CDH18: variants seen among roughly 807,000 people sequenced by gnomAD.
The protein encoded by CDH18 is cadherin 18.
CDH18 carries 31 observed loss-of-function variants against 67.9 expected under a neutral mutation model. The observed-to-expected ratio is 0.46, with a 90% CI of 0.34 to 0.62. The LOEUF is 0.62. CDH18 is among the 20% of genes least tolerant of loss of function. The pLI is 0.01. For synonymous variants in CDH18, 362 were observed against 347.2 expected (o/e 1.04, Z -0.48); for missense variants, 890 against 975.5 (o/e 0.91, Z 1.17).
Position 19,471,623 on chromosome 5 carries a change from T to C in CDH18, c.*1603A>G, listed in dbSNP as rs566087989. Reference sequence around the variant, plus strand: ...GTTTTAGAAAATAGGACCATTATGGTATGAATTCTTACTTCAAGGCCAATA... The same window carrying C: ...GTTTTAGAAAATAGGACCATTATGGCATGAATTCTTACTTCAAGGCCAATA... On this transcript the variant is annotated 3_prime_UTR_variant, in exon 13 of 13. Coordinates refer to ENST00000382275, the MANE Select transcript of CDH18 (RefSeq NM_004934.5). 3.3e-5 allele frequency among the ~76,000 whole-genome samples: 5 copies of C among 152,128 alleles called. No homozygotes were observed. The South Asian group carries it at 1.0e-3, about 31-fold the overall frequency.
intron 2 of CDH18, among the ~76,000 whole-genome samples, chr5:20,245,948 A>G (rs1163140673): frequency 6.6e-6 from 1 of 152,100 alleles, no homozygotes; most frequent in Non-Finnish European, 1.5e-5. Flanking sequence ...TGTGATGCTG[A>G]GATGTTGTGA....
chr5:19,893,987 A>G (rs77636757), intron 2 of CDH18, among the ~76,000 whole-genome samples: 4,493 of 152,234 alleles, frequency 0.03, 246 homozygotes, highest in African/African-American at 0.1. Flanking sequence ...ATCACCTTGC[A>G]TACCCGCTAT....
intron 1 of CDH18, among the ~76,000 whole-genome samples, chr5:20,385,889 C>A (rs1744274940): frequency 6.6e-6 from 1 of 152,128 alleles, no homozygotes; most frequent in Non-Finnish European, 1.5e-5. Context: ...TTGTGTTTTA[C>A]TTCTAATGAT....
intron 2 of CDH18, among the ~76,000 whole-genome samples, chr5:20,202,102 T>C (rs577999112): frequency 6.6e-5 from 10 of 152,304 alleles, no homozygotes; most frequent in African/African-American, 2.4e-4. Flanking sequence ...ACTGCATTAA[T>C]CTAATTATAT....
chr5:19,789,247 T>C (rs1404046138), intron 3 of CDH18, among the ~76,000 whole-genome samples: 4 of 152,194 alleles, frequency 2.6e-5, no homozygotes. Flanking sequence ...GCAAGTTACT[T>C]AACCTTACTG....
rs1452094012 is a variant in CDH18, at chr5:19,994,726, TATATATATATATAGAGAGAGAG to T, written c.-517-2734_-517-2713del. On this transcript the variant is annotated intron_variant, in intron 2 of 14. Transcript: ENST00000507958. ...GTATATATATATATATATATATATA[TATATATATATATAGAGAGAGAG>T]AGAGAGAGAGAGAGAGAGAGAGAGA... Among the ~76,000 whole-genome samples, 34 of 23,418 alleles carry T rather than the reference TATATATATATATAGAGAGAGAG, an allele frequency of 1.5e-3. 1 individual carries two copies. Among genetic ancestry groups the T allele is most frequent in the South Asian group, 8.7e-3 (3 of 346 alleles). The allele number at this position is 23,418 out of a possible 152,430, so 15.4% of individuals were successfully genotyped here. A position where few individuals can be genotyped will look rare whatever the true frequency, so the allele number is the denominator to read the frequency against.
chr5:19,882,946 G>A (rs1787810485), intron 2 of CDH18, among the ~76,000 whole-genome samples: 1 of 152,074 alleles, frequency 6.6e-6, no homozygotes, highest in Admixed American at 6.6e-5. Context: ...ATATTTATAT[G>A]ACCAGATGAC....
chr5:20,280,646 T>G (rs558477971), intron 1 of CDH18, among the ~76,000 whole-genome samples: 69 of 152,354 alleles, frequency 4.5e-4, no homozygotes, highest in Non-Finnish European at 9.1e-4. Context: ...TTTGCTATTG[T>G]GAATAGTGCC....
intron 12 of CDH18, among the ~76,000 whole-genome samples, chr5:19,481,723 T>C (rs557595498): frequency 2.6e-5 from 4 of 152,348 alleles, no homozygotes; most frequent in South Asian, 2.1e-4. Context: ...CCACTCCATC[T>C]ATACAAGTTA....
intron 2 of CDH18, among the ~76,000 whole-genome samples, chr5:20,124,004 A>G (rs1166608192): frequency 6.6e-6 from 1 of 152,190 alleles, no homozygotes; most frequent in African/African-American, 2.4e-5. Context: ...TACAGTAAAA[A>G]CTATCCAGAC....
chr5:20,100,682 C>T (rs1561790758), intron 2 of CDH18, among the ~76,000 whole-genome samples: 2 of 151,952 alleles, frequency 1.3e-5, no homozygotes, highest in African/African-American at 2.4e-5. Context: ...TACATCTGGC[C>T]TCCACTTTTT....
chr5:20,271,434 T>A (rs1341265710), intron 1 of CDH18, among the ~76,000 whole-genome samples: 1 of 152,118 alleles, frequency 6.6e-6, no homozygotes, highest in Admixed American at 6.6e-5. Flanking sequence ...TTTTAATGTC[T>A]TTACTACAAA....
chr5:19,609,577 A>C (rs1229388094), intron 6 of CDH18, among the ~76,000 whole-genome samples: 3 of 152,028 alleles, frequency 2.0e-5, no homozygotes, highest in Admixed American at 2.0e-4. Context: ...TATTTACTTC[A>C]AGATAAAGGG....
intron 11 of CDH18, among the ~76,000 whole-genome samples, chr5:19,490,395 T>C (rs1299451145): frequency 1.1e-4 from 1 of 9,496 alleles, no homozygotes; most frequent in Non-Finnish European, 2.7e-4. Flanking sequence ...TAAAAATCTG[T>C]TTTTTTTTTT....
intron 1 of CDH18, among the ~76,000 whole-genome samples, chr5:20,531,433 C>T (rs915467327): frequency 2.0e-5 from 3 of 151,886 alleles, no homozygotes; most frequent in Non-Finnish European, 2.9e-5. Flanking sequence ...AAAAATACAT[C>T]GATGTGTATG....
chr5:20,532,998 C>T (rs574465636), intron 1 of CDH18, among the ~76,000 whole-genome samples: 10 of 151,894 alleles, frequency 6.6e-5, no homozygotes, highest in African/African-American at 1.9e-4. Context: ...CAGACTGTGA[C>T]GTTTTTTGGA....
chr5:19,769,821 C>G (rs1157948261), intron 3 of CDH18, among the ~76,000 whole-genome samples: 1 of 150,618 alleles, frequency 6.6e-6, no homozygotes, highest in African/African-American at 2.4e-5. Context: ...GAGTGGGAGA[C>G]AGTATGTACA....
intron 2 of CDH18, among the ~76,000 whole-genome samples, chr5:19,906,352 A>T (rs945756267): frequency 6.6e-6 from 1 of 151,990 alleles, no homozygotes; most frequent in African/African-American, 2.4e-5. Context: ...TTAAAGATTC[A>T]TGTAAAGATA....
intron 2 of CDH18, among the ~76,000 whole-genome samples, chr5:20,086,538 T>C (rs982514500): frequency 3.9e-5 from 6 of 152,174 alleles, no homozygotes; most frequent in Admixed American, 2.0e-4. Flanking sequence ...AGCTTCAAAG[T>C]ACAGGTTGAC....
Sources: allele counts gnomAD v4.1 joint callset (sites outside exome capture counted in the v4.1 genomes callset), GRCh38; gene constraint gnomAD v4.1.1; transcripts MANE v1.5; gene names NCBI Gene and HGNC (gene_info 2026-07-23, HGNC 2026-07-21).